Variants in DLG2 observed in about 807,000 individuals in gnomAD.
DLG2 encodes the protein disks large homolog 2.
A neutral mutation model predicts 132.5 loss-of-function variants in DLG2; 45 were observed. The ratio of observed to expected loss-of-function variants is 0.34; its 90% confidence interval spans 0.27 to 0.44. The LOEUF (loss-of-function observed/expected upper bound fraction) is 0.44. Among genes scored for constraint, DLG2 ranks in the 20% least tolerant of loss-of-function variants. The pLI, the probability that DLG2 is intolerant of heterozygous loss-of-function variation, is 1.00. For synonymous variants in DLG2, 424 were observed against 419.6 expected (o/e 1.01, Z -0.13); for missense variants, 1,045 against 1,196.9 (o/e 0.87, Z 1.87).
At chr11:84,758,867 T>C (rs1398081478) in intron 6 of DLG2, among the ~76,000 whole-genome samples, 1 of 152,170 alleles carries the variant, frequency 6.6e-6, no homozygotes, top group Non-Finnish European at 1.5e-5. Flanking sequence ...AATTAATTTA[T>C]TAATTCTTTC....
intron 6 of DLG2, among the ~76,000 whole-genome samples, chr11:84,859,398 G>T (rs11234208): frequency 7.3e-6 from 1 of 137,754 alleles, no homozygotes; most frequent in African/African-American, 2.8e-5. Flanking sequence ...ACATATATAT[G>T]TATATATACA....
At chr11:83,754,254 G>A (rs1276273875) in intron 18 of DLG2, among the ~76,000 whole-genome samples, 1 of 150,872 alleles carries the variant, frequency 6.6e-6, no homozygotes, top group African/African-American at 2.5e-5. Flanking sequence ...ATATTTCTTG[G>A]GGGAGGGGTG....
intron 3 of DLG2, among the ~76,000 whole-genome samples, chr11:85,339,462 A>C (rs2082340603): frequency 6.6e-6 from 1 of 152,166 alleles, no homozygotes; most frequent in Non-Finnish European, 1.5e-5. Context: ...GGTTATATCA[A>C]TTTGCATTGA....
intron 3 of DLG2, among the ~76,000 whole-genome samples, chr11:85,583,122 GTGTGTGTGTATATATATATATATA>G (rs1253669962): frequency 1.2e-4 from 6 of 49,170 alleles, no homozygotes; most frequent in Non-Finnish European, 2.1e-4. Context: ...GTGTGTGTGT[GTGTGTGTGTATATATATATATATA>G]TATATATATA....
At chr11:85,455,728 A>T (rs554035333) in intron 3 of DLG2, among the ~76,000 whole-genome samples, 2 of 152,266 alleles carry the variant, frequency 1.3e-5, no homozygotes, top group East Asian at 3.9e-4. Context: ...GGGTTTTTAC[A>T]TAAAGGGATG....
At chr11:85,064,282 T>C (rs1046600398) in intron 6 of DLG2, among the ~76,000 whole-genome samples, 2 of 151,860 alleles carry the variant, frequency 1.3e-5, no homozygotes, top group Non-Finnish European at 2.9e-5. Flanking sequence ...TTCTATTCAA[T>C]TCTAGGTACA....
chr11:84,158,914 A>T (rs932554844), intron 9 of DLG2, among the ~76,000 whole-genome samples: 11 of 152,244 alleles, frequency 7.2e-5, no homozygotes, highest in Non-Finnish European at 1.6e-4. Context: ...ATGCTGCTCT[A>T]AACCTTTACG....
chr11:83,781,061 A>T (rs1012815771), intron 18 of DLG2, among the ~76,000 whole-genome samples: 8 of 152,244 alleles, frequency 5.3e-5, no homozygotes, highest in Non-Finnish European at 1.0e-4. Flanking sequence ...GAAGGCTCTC[A>T]TTTAATATCT....
At chr11:85,131,625 A>T (rs578109332) in intron 5 of DLG2, among the ~76,000 whole-genome samples, 3 of 152,298 alleles carry the variant, frequency 2.0e-5, no homozygotes, top group African/African-American at 7.2e-5. Context: ...AACTAACTCA[A>T]CTAGAAGTTT....
At chr11:83,657,666 G>A (rs896291819) in intron 18 of DLG2, among the ~76,000 whole-genome samples, 2 of 150,306 alleles carry the variant, frequency 1.3e-5, no homozygotes, top group Non-Finnish European at 3.0e-5. Context: ...AGCCTCCCGA[G>A]TAGCTGGGAC....
chr11:84,672,828 CA>C (rs959788716), intron 6 of DLG2, among the ~76,000 whole-genome samples: 2 of 151,422 alleles, frequency 1.3e-5, no homozygotes, highest in African/African-American at 4.8e-5. Flanking sequence ...AATTTATAAA[CA>C]AAAAAAAGGC....
At chr11:85,000,461 T>C (rs997789921) in intron 6 of DLG2, among the ~76,000 whole-genome samples, 1 of 152,192 alleles carries the variant, frequency 6.6e-6, no homozygotes, top group Non-Finnish European at 1.5e-5. Context: ...TTGGACAATA[T>C]TGGGAAAGTC....
intron 3 of DLG2, among the ~76,000 whole-genome samples, chr11:85,362,594 ATGCCTTTTTTTTTAT>A (rs2084245615): frequency 1.3e-5 from 2 of 151,384 alleles, no homozygotes; most frequent in Admixed American, 6.6e-5. Context: ...TCCAATTTGG[ATGCCTTTTTTTTTAT>A]TTTTTTTTAA....
At chr11:85,469,772 A>C (rs1364732296) in intron 3 of DLG2, 1 of 152,250 alleles carries the variant, frequency 6.6e-6, no homozygotes, top group Non-Finnish European at 1.5e-5. Context: ...GAGCTCTAAA[A>C]GAAGCCAATT....
intron 6 of DLG2, among the ~76,000 whole-genome samples, chr11:84,642,065 C>CATGT (rs34760163): frequency 3.3e-4 from 46 of 138,216 alleles, no homozygotes; most frequent in African/African-American, 1.1e-3. Context: ...TATACGCACG[C>CATGT]GTGTGTGTGT....
In DLG2 at chr11:85,334,061, T is replaced by C. The variant is rs1267114946; in HGVS notation, c.41-48696A>G. Among the ~76,000 whole-genome samples, 4 of 152,280 alleles carry C rather than the reference T, an allele frequency of 2.6e-5. No homozygotes were observed. The South Asian group carries it at 6.2e-4, about 24-fold the overall frequency. Reference sequence around the variant, plus strand: ...ATTCAGCTGTGAATCCATTTCATCCTGGGCTTTTTCTGGTTAGTAGGTATT... The same window carrying C: ...ATTCAGCTGTGAATCCATTTCATCCCGGGCTTTTTCTGGTTAGTAGGTATT... On this transcript the variant is annotated intron_variant, in intron 3 of 27. Transcript: ENST00000376104.
chr11:83,923,733 G>A (rs1355827139), intron 15 of DLG2, among the ~76,000 whole-genome samples: 2 of 152,080 alleles, frequency 1.3e-5, no homozygotes, highest in Admixed American at 6.6e-5. Flanking sequence ...TATCTCGATA[G>A]TCTCAGTTCA....
intron 19 of DLG2, among the ~76,000 whole-genome samples, chr11:83,616,237 C>T (rs1230640478): frequency 1.3e-5 from 2 of 152,120 alleles, no homozygotes; most frequent in Admixed American, 6.5e-5. Context: ...AACACATGTA[C>T]TCATTACTAT....
At position 84,457,791 on chromosome 11, in the gene DLG2, T is replaced by C. The variant is rs113397813; in HGVS notation, c.519+76779A>G. On this transcript the variant is annotated intron_variant, in intron 7 of 27. Coordinates refer to ENST00000376104, the MANE Select transcript of DLG2 (RefSeq NM_001142699.3). Reference sequence around the variant, plus strand: ...TTCCAAAGTTATATTTATAATTAAATTCGTGCAAAATTGATTAAATACAAC... The same window carrying C: ...TTCCAAAGTTATATTTATAATTAAACTCGTGCAAAATTGATTAAATACAAC... 8.5e-4 allele frequency among the ~76,000 whole-genome samples: 129 copies of C among 151,120 alleles called. 1 individual carries two copies. The highest frequency in any genetic ancestry group is 2.9e-3 in the African/African-American group (120 of 41,422).
Sources: allele counts gnomAD v4.1 joint callset (sites outside exome capture counted in the v4.1 genomes callset), GRCh38; gene constraint gnomAD v4.1.1; transcripts MANE v1.5; gene names NCBI Gene and HGNC (gene_info 2026-07-23, HGNC 2026-07-21).